BAIAP2L1: variants seen among roughly 807,000 people sequenced by gnomAD.
BAIAP2L1 encodes the protein BAR/IMD domain-containing adapter protein 2-like 1.
A neutral mutation model predicts 66.3 loss-of-function variants in BAIAP2L1; 35 were observed. That is an observed-to-expected ratio of 0.53 (90% CI 0.40 to 0.70). The LOEUF (loss-of-function observed/expected upper bound fraction) is 0.70. Ranked by LOEUF, BAIAP2L1 falls within the 30% of genes least tolerant of loss-of-function variation. The probability of loss-of-function intolerance (pLI) is 0.00; values close to 1 mark genes in which losing one functional copy is unlikely to be tolerated. For synonymous variants in BAIAP2L1, 269 were observed against 248.7 expected, an observed-to-expected ratio of 1.08 and a Z score of -0.77; for missense variants, 622 against 656.9, an observed-to-expected ratio of 0.95 and a Z score of 0.58.
chr7:98,365,897 C>A (rs558879212), intron 1 of BAIAP2L1, among the ~76,000 whole-genome samples: 56 of 152,270 alleles, frequency 3.7e-4, no homozygotes, highest in African/African-American at 1.1e-3. Context: ...TCCTGATTAC[C>A]TTTCACTGTT....
chr7:98,291,864 A>G lies in BAIAP2L1; in HGVS notation c.*1657T>C, dbSNP rs1373654858. ...AGAAACCTCCCCAAGGCAGAACGCCAAAGGCCAGGTGTCACCCACACCCCA... is the reference window on the plus strand; with the variant it reads ...AGAAACCTCCCCAAGGCAGAACGCCGAAGGCCAGGTGTCACCCACACCCCA... On this transcript the variant is annotated 3_prime_UTR_variant, in exon 14 of 14. Coordinates refer to ENST00000005260, the MANE Select transcript of BAIAP2L1 (RefSeq NM_018842.5). The G allele has an allele frequency of 6.5e-6, 1 of 152,984 alleles. No individual in the cohort carries two copies. The highest frequency in any genetic ancestry group is 6.5e-5 in the Admixed American group (1 of 15,334). The allele number at this position is 152,984 out of a possible 1,614,324, so 9.5% of individuals were successfully genotyped here.
Position 98,401,052 on chromosome 7 carries a change from T to G in BAIAP2L1, c.-200A>C. 2.4e-6 allele frequency: 1 copy of G among 423,964 alleles called. No homozygotes were observed. The highest frequency in any genetic ancestry group is 4.0e-6 in the Non-Finnish European group (1 of 251,556). The allele number at this position is 423,964 out of a possible 1,614,324, so 26.3% of individuals were successfully genotyped here. A position where few individuals can be genotyped will look rare whatever the true frequency, so the allele number is the denominator to read the frequency against. Reference sequence around the variant, plus strand: ...TTGCGGCAGCGCCGCCCTGGCCTTCTTCGAGGAGCAGAGGAGAAGCGGCCG... The same window carrying G: ...TTGCGGCAGCGCCGCCCTGGCCTTCGTCGAGGAGCAGAGGAGAAGCGGCCG... On this transcript the variant is annotated 5_prime_UTR_variant, in exon 1 of 14. Transcript: ENST00000005260.
At chr7:98,328,075 TTATA>T (rs1372000268) in intron 3 of BAIAP2L1, among the ~76,000 whole-genome samples, 12 of 152,094 alleles carry the variant, frequency 7.9e-5, no homozygotes, top group African/African-American at 2.9e-4. Flanking sequence ...CACCTTCATT[TTATA>T]TATAAGTCTA....
At chr7:98,397,792 T>C (rs1013242830) in intron 1 of BAIAP2L1, among the ~76,000 whole-genome samples, 7 of 151,762 alleles carry the variant, frequency 4.6e-5, no homozygotes, top group Non-Finnish European at 8.8e-5. Flanking sequence ...AAGTGTGGAG[T>C]GGGGAGGGAT....
At chr7:98,359,045 G>T (rs1802204804) in intron 2 of BAIAP2L1, among the ~76,000 whole-genome samples, 1 of 152,178 alleles carries the variant, frequency 6.6e-6, no homozygotes, top group Non-Finnish European at 1.5e-5. Context: ...CTCCTTGAAG[G>T]GGAAAGACCC....
chr7:98,400,870 G>T lies in BAIAP2L1; in HGVS notation c.-18C>A. ...CGGGACATGGCTGCGGCCGCCGGGCGAGCAAGCGCGGGAGGACGCGGCTGG... is the reference window on the plus strand; with the variant it reads ...CGGGACATGGCTGCGGCCGCCGGGCTAGCAAGCGCGGGAGGACGCGGCTGG... On this transcript the variant is annotated 5_prime_UTR_variant, in exon 1 of 14. Coordinates refer to ENST00000005260, the MANE Select transcript of BAIAP2L1 (RefSeq NM_018842.5). The T allele has an allele frequency of 6.5e-7, 1 of 1,536,566 alleles. No individual in the cohort carries two copies. Among genetic ancestry groups the T allele is most frequent in the Non-Finnish European group, 8.8e-7 (1 of 1,140,668 alleles).
At chr7:98,350,049 C>T (rs141582898) in intron 3 of BAIAP2L1, among the ~76,000 whole-genome samples, 3 of 151,070 alleles carry the variant, frequency 2.0e-5, no homozygotes, top group Non-Finnish European at 2.9e-5. Flanking sequence ...CCCAGAAGAT[C>T]GAGGCTGCAA....
At chr7:98,331,515 C>T (rs1377511317) in intron 3 of BAIAP2L1, among the ~76,000 whole-genome samples, 2 of 135,254 alleles carry the variant, frequency 1.5e-5, no homozygotes, top group African/African-American at 2.7e-5. Context: ...GTCGTCCAGG[C>T]TGGAGTGCAA....
At chr7:98,317,665 A>G (rs1269448863) in intron 5 of BAIAP2L1, among the ~76,000 whole-genome samples, 4 of 139,618 alleles carry the variant, frequency 2.9e-5, no homozygotes, top group Non-Finnish European at 4.6e-5. Flanking sequence ...ACTGGCTGGG[A>G]CCCTCACTCA....
intron 1 of BAIAP2L1, among the ~76,000 whole-genome samples, chr7:98,397,342 T>TTTTTTTTA (rs1803237988): frequency 8.7e-6 from 1 of 115,290 alleles, no homozygotes; most frequent in African/African-American, 3.2e-5. Context: ...TTTTTTTTTT[T>TTTTTTTTA]GAGATGGAGT....
chr7:98,317,783 G>A (rs1380517854), intron 5 of BAIAP2L1, among the ~76,000 whole-genome samples: 9 of 151,408 alleles, frequency 5.9e-5, no homozygotes, highest in East Asian at 2.0e-4. Context: ...CACACTGGCC[G>A]GGGCCCTCGC....
At chr7:98,374,725 G>A (rs979464247) in intron 1 of BAIAP2L1, among the ~76,000 whole-genome samples, 1 of 151,734 alleles carries the variant, frequency 6.6e-6, no homozygotes, top group African/African-American at 2.4e-5. Flanking sequence ...ATTCTGCCTG[G>A]GCAAATACGT....
intron 2 of BAIAP2L1, among the ~76,000 whole-genome samples, chr7:98,356,543 C>T (rs972250297): frequency 2.6e-5 from 4 of 151,532 alleles, no homozygotes; most frequent in Non-Finnish European, 4.4e-5. Flanking sequence ...TTCACCCAGG[C>T]TGGAGTGCAG....
chr7:98,306,386 C>G, intron 11 of BAIAP2L1, 53 bp downstream of exon 11: 1 of 1,600,788 alleles, frequency 6.2e-7, no homozygotes. Flanking sequence ...GTTACAGAAA[C>G]GACAAGGCAG....
chr7:98,390,545 G>A (rs554611581), intron 1 of BAIAP2L1, among the ~76,000 whole-genome samples: 2 of 151,748 alleles, frequency 1.3e-5, no homozygotes, highest in African/African-American at 2.4e-5. Context: ...TGGCTAACAC[G>A]GTGAAACCCC....
intron 3 of BAIAP2L1, among the ~76,000 whole-genome samples, chr7:98,321,914 G>A (rs1412247700): frequency 5.3e-5 from 8 of 152,128 alleles, no homozygotes; most frequent in African/African-American, 1.9e-4. Flanking sequence ...TGGCCAACAC[G>A]GTGAAACCCC....
At chr7:98,354,526 T>A (rs1584479636) in intron 3 of BAIAP2L1, among the ~76,000 whole-genome samples, 1 of 152,202 alleles carries the variant, frequency 6.6e-6, no homozygotes, top group East Asian at 1.9e-4. Flanking sequence ...GAAGCCCAGA[T>A]CCCCTCGGCA....
chr7:98,317,060 C>T (rs561410774), intron 6 of BAIAP2L1, among the ~76,000 whole-genome samples, 159 bp downstream of exon 6: 3 of 152,112 alleles, frequency 2.0e-5, no homozygotes, highest in African/African-American at 7.2e-5. Context: ...ACCACATTGG[C>T]CAGGCTGGTC....
intron 3 of BAIAP2L1, chr7:98,323,168 G>T (rs1801295304): frequency 6.6e-6 from 1 of 152,150 alleles, no homozygotes; most frequent in East Asian, 1.9e-4. Flanking sequence ...TGAGAAAACC[G>T]ACAGACCAGA....
Sources: allele counts gnomAD v4.1 joint callset (sites outside exome capture counted in the v4.1 genomes callset), GRCh38; gene constraint gnomAD v4.1.1; transcripts MANE v1.5; gene names NCBI Gene and HGNC (gene_info 2026-07-23, HGNC 2026-07-21).